The following PKHD1 variants were observed in gnomAD, a reference collection of about 807,000 sequenced individuals.
PKHD1 encodes PKHD1 ciliary IPT domain containing fibrocystin/polyductin, also known as fibrocystin.
A neutral mutation model predicts 412.0 loss-of-function variants in PKHD1; 291 were observed. That is an observed-to-expected ratio of 0.71 (90% confidence interval 0.64 to 0.78). The LOEUF is 0.78. Ranked by LOEUF, PKHD1 falls within the 30% of genes least tolerant of loss-of-function variation. PKHD1 has a pLI of 0.00. For missense variants in PKHD1, 4,825 were observed against 4,950.7 expected (o/e 0.97, Z 0.76); for synonymous variants, 1,777 against 1,821.5 (o/e 0.98, Z 0.62).
chr6:52,004,955 G>A (rs1798869972), intron 35 of PKHD1, among the ~76,000 whole-genome samples: 1 of 152,220 alleles, frequency 6.6e-6, no homozygotes, highest in Non-Finnish European at 1.5e-5. Flanking sequence ...AGGACTCAAG[G>A]GACCCCTGCA....
In PKHD1 at chr6:51,893,066, G is replaced by A. The variant is rs138327765; in HGVS notation, c.6997-5821C>T. On this transcript the variant is annotated intron_variant, in intron 43 of 66. Transcript: ENST00000371117. ...GAAAGGTCAGCGGTACATAAGAACC[G>A]AGGGCCAGAGAAGGGGGCTTCTTAA... 7.2e-4 allele frequency among the ~76,000 whole-genome samples: 109 copies of A among 152,234 alleles called. No individual in the cohort carries two copies. The East Asian group carries it at 0.02, about 28-fold the overall frequency.
chr6:52,029,332 T>C (rs1451720668), intron 29 of PKHD1, among the ~76,000 whole-genome samples: 1 of 152,228 alleles, frequency 6.6e-6, no homozygotes, highest in Non-Finnish European at 1.5e-5. Flanking sequence ...ATGAACACTT[T>C]CATGCAATTT....
chr6:51,966,292 A>C (rs1583603746), intron 35 of PKHD1, among the ~76,000 whole-genome samples: 1 of 152,178 alleles, frequency 6.6e-6, no homozygotes, highest in South Asian at 2.1e-4. Flanking sequence ...GACAACTTGA[A>C]GCAGGGAGGG....
chr6:51,972,967 G>T (rs754758192), intron 35 of PKHD1, among the ~76,000 whole-genome samples: 2 of 152,156 alleles, frequency 1.3e-5, no homozygotes, highest in Non-Finnish European at 2.9e-5. Flanking sequence ...GATCAAAACC[G>T]CATGCCACTT....
At chr6:51,684,325 C>T (rs1325551432) in intron 60 of PKHD1, among the ~76,000 whole-genome samples, 3 of 152,068 alleles carry the variant, frequency 2.0e-5, no homozygotes, top group Admixed American at 2.0e-4. Context: ...CAAAGTTTTT[C>T]TATTCTTAAA....
chr6:51,950,220 A>AAAAAAAAAAAAAAAAAAAAAATAT, intron 36 of PKHD1, among the ~76,000 whole-genome samples: 1 of 98,328 alleles, frequency 1.0e-5, no homozygotes, highest in African/African-American at 3.8e-5. Context: ...GAAAAAAAAA[A>AAAAAAAAAAAAAAAAAAAAAATAT]ATATATATAT....
intron 50 of PKHD1, among the ~76,000 whole-genome samples, chr6:51,837,644 T>C (rs868260422): frequency 6.6e-6 from 1 of 151,958 alleles, no homozygotes; most frequent in African/African-American, 2.4e-5. Context: ...AGTGTGGAGG[T>C]TGCAGTGAGC....
chr6:51,665,147 A>C (rs1034907870), intron 60 of PKHD1, among the ~76,000 whole-genome samples: 1 of 152,112 alleles, frequency 6.6e-6, no homozygotes, highest in African/African-American at 2.4e-5. Flanking sequence ...TTTCTACCCT[A>C]GGAAAAATAC....
chr6:51,967,230 C>A (rs75030558), intron 35 of PKHD1, among the ~76,000 whole-genome samples: 2 of 152,064 alleles, frequency 1.3e-5, no homozygotes, highest in Admixed American at 1.3e-4. Flanking sequence ...TATTGGCACA[C>A]GGCATGACAA....
rs374880169 is a variant in PKHD1, at chr6:51,712,737, G to A, written c.10156+31648C>T. Among the ~76,000 whole-genome samples, 68 of 152,266 alleles carry A rather than the reference G, an allele frequency of 4.5e-4. 1 individual carries two copies. The highest frequency in any genetic ancestry group is 2.1e-4 in the South Asian group (1 of 4,820). On this transcript the variant is annotated intron_variant, in intron 60 of 66. Coordinates refer to ENST00000371117, the MANE Select transcript of PKHD1 (RefSeq NM_138694.4). Reference sequence around the variant, plus strand: ...CCCTGTATTACCAGCCTAGCCCTGCGATCAAGCAAATTGACTTCACATCTC... The same window carrying A: ...CCCTGTATTACCAGCCTAGCCCTGCAATCAAGCAAATTGACTTCACATCTC...
chr6:52,006,833 C>T (rs1799143751), intron 35 of PKHD1, among the ~76,000 whole-genome samples: 1 of 152,126 alleles, frequency 6.6e-6, no homozygotes, highest in Non-Finnish European at 1.5e-5. Flanking sequence ...TATTTTATCC[C>T]TCACCCACCT....
chr6:51,680,281 A>G (rs1421718426), intron 60 of PKHD1, among the ~76,000 whole-genome samples: 1 of 152,036 alleles, frequency 6.6e-6, no homozygotes, highest in East Asian at 1.9e-4. Flanking sequence ...TAGGAGCTTC[A>G]TGTAAACCAT....
chr6:51,805,269 A>C (rs2151354862), intron 52 of PKHD1, among the ~76,000 whole-genome samples: 1 of 152,340 alleles, frequency 6.6e-6, no homozygotes, highest in East Asian at 1.9e-4. Context: ...TAAACAAATT[A>C]ACACAGGAAC....
At chr6:51,700,050 T>G (rs1422619160) in intron 60 of PKHD1, among the ~76,000 whole-genome samples, 1 of 151,806 alleles carries the variant, frequency 6.6e-6, no homozygotes, top group Non-Finnish European at 1.5e-5. Context: ...AACTTGGCCT[T>G]GTTTTGATCA....
chr6:52,054,981 G>A (rs1807481501), intron 19 of PKHD1, among the ~76,000 whole-genome samples: 1 of 152,168 alleles, frequency 6.6e-6, no homozygotes, highest in South Asian at 2.1e-4. Context: ...GGTTCCCAAA[G>A]GGCAAATCAG....
chr6:51,739,033 T>C (rs1001415036), intron 60 of PKHD1, among the ~76,000 whole-genome samples: 4 of 148,528 alleles, frequency 2.7e-5, no homozygotes, highest in South Asian at 2.1e-4. Context: ...ATGTACTTTA[T>C]ATATATATAT....
intron 53 of PKHD1, among the ~76,000 whole-genome samples, chr6:51,789,970 T>C (rs1315954956): frequency 6.6e-6 from 1 of 152,170 alleles, no homozygotes; most frequent in Non-Finnish European, 1.5e-5. Flanking sequence ...GGGAACAGGT[T>C]GCCTTGAAAG....
intron 55 of PKHD1, among the ~76,000 whole-genome samples, chr6:51,772,119 C>T (rs187570885): frequency 5.3e-4 from 81 of 152,044 alleles, no homozygotes; most frequent in African/African-American, 1.8e-3. Flanking sequence ...GACATATGAC[C>T]CATAGATAGC....
intron 44 of PKHD1, among the ~76,000 whole-genome samples, chr6:51,886,843 A>G (rs935058024): frequency 7.2e-5 from 11 of 152,210 alleles, no homozygotes; most frequent in African/African-American, 2.7e-4. Context: ...AATAATTCAA[A>G]TAAAGAGGCT....
Sources: gnomAD v4.1 joint callset for allele counts (sites outside exome capture counted in the v4.1 genomes callset) on GRCh38, gnomAD v4.1.1 for gene constraint, MANE v1.5 for transcripts, NCBI Gene and HGNC (gene_info 2026-07-23, HGNC 2026-07-21) for gene names.